Variants in ADPRHL1 observed in about 807,000 individuals in gnomAD.
ADPRHL1 encodes the protein ADP-ribosylhydrolase like 1, also known as inactive ADP-ribosyltransferase ARH2.
In ADPRHL1, 43 loss-of-function variants were observed where a neutral mutation model predicts 44.1. The ratio of observed to expected loss-of-function variants is 0.98; its 90% CI spans 0.76 to 1.26. ADPRHL1 has a LOEUF of 1.26. Ranked by LOEUF, ADPRHL1 falls within the 50% of genes most tolerant of loss-of-function variation. ADPRHL1 has a pLI of 0.00. For missense variants in ADPRHL1, 2,022 were observed against 2,496.9 expected (o/e 0.81, Z 4.05); for synonymous variants, 878 against 1,017.4 (o/e 0.86, Z 2.61).
In ADPRHL1 at chr13:113,453,339, G is replaced by C; in HGVS notation, c.99C>G (p.Ile33Met). ...CCCCGGAACGTTGCAGCTCCTCCTG[G>C]ATCTTCATGCCTACAGTGCTGTTCT... ...CKENSTVGMKIQEELQRSGGL... is the reference protein window; with the variant it reads ...CKENSTVGMKMQEELQRSGGL... Residue 33 changes from isoleucine (I) to methionine (M), a missense_variant, in exon 1 of 8, where the codon ATC (isoleucine) becomes ATG (methionine). This residue lies in a region of ADPRHL1 where 437 missense variants were observed against 430.7 expected (regional missense o/e 1.01). Coordinates refer to ENST00000612156, the MANE Select transcript of ADPRHL1 (RefSeq NM_001394807.1). The surrounding 1 kb of genome is among the most constrained non-coding windows in gnomAD (Gnocchi z 5.4). 6.2e-7 allele frequency: 1 copy of C among 1,614,166 alleles called. No homozygotes were observed. The highest frequency in any genetic ancestry group is 8.5e-7 in the Non-Finnish European group (1 of 1,180,036).
At chr13:113,415,022 A>T (rs2043880012) in intron 7 of ADPRHL1, among the ~76,000 whole-genome samples, 1 of 152,036 alleles carries the variant, frequency 6.6e-6, no homozygotes, top group South Asian at 2.1e-4. Flanking sequence ...TTTTCCCCTG[A>T]AGCCATGAAG....
In ADPRHL1 at chr13:113,407,037, C is replaced by T; in HGVS notation, c.2245G>A (p.Glu749Lys). 1 of 1,232,278 alleles carries T rather than the reference C, an allele frequency of 8.1e-7. No individual in the cohort carries two copies. Among genetic ancestry groups the T allele is most frequent in the Non-Finnish European group, 1.0e-6 (1 of 988,074 alleles). The allele number at this position is 1,232,278 out of a possible 1,614,324, so 76.3% of individuals were successfully genotyped here. The change falls in exon 8 of 8, where the codon GAG becomes AAG. Residue 749 changes from glutamate (E) to lysine (K), a missense_variant. Transcript: ENST00000612156. ...TCCTGGACGCCTCCTGCGGTGCTCT[C>T]TGCGGTGGGGTCTGCAGTCCCATCA... ...GGDGTADPTA[E>K]STAGGVQEVR...
intron 7 of ADPRHL1, among the ~76,000 whole-genome samples, chr13:113,413,475 G>T (rs2043870522): frequency 6.6e-6 from 1 of 152,344 alleles, no homozygotes; most frequent in East Asian, 1.9e-4. Flanking sequence ...TGGACTGAGA[G>T]GGGGGCCCAG....
At chr13:113,452,140 C>T (rs2044182785) in intron 1 of ADPRHL1, among the ~76,000 whole-genome samples, 1 of 152,200 alleles carries the variant, frequency 6.6e-6, no homozygotes, top group African/African-American at 2.4e-5. Context: ...GTGTGGGGTG[C>T]ACCTGTTCTG....
chr13:113,444,385 G>T (rs753033301), intron 2 of ADPRHL1, 40 bp downstream of exon 2: 1 of 1,603,682 alleles, frequency 6.2e-7, no homozygotes, highest in African/African-American at 1.3e-5. Flanking sequence ...AGGGTCCCCA[G>T]CAGGGTGGCT....
At chr13:113,444,197 C>A (rs1435263129) in intron 2 of ADPRHL1, among the ~76,000 whole-genome samples, 1 of 150,580 alleles carries the variant, frequency 6.6e-6, no homozygotes, top group Non-Finnish European at 1.5e-5. Flanking sequence ...AAACAGATGC[C>A]CGCGCTTGCC....
chr13:113,425,237 GCA>G, intron 4 of ADPRHL1, 58 bp from the exon 5 acceptor site: 1 of 1,432,470 alleles, frequency 7.0e-7, no homozygotes, highest in Admixed American at 2.1e-5. Flanking sequence ...TGGGGCGGGT[GCA>G]GGGAGTTGGG....
rs531368002 is a variant in ADPRHL1, at chr13:113,430,715, T to C, written c.506-1623A>G. 3.3e-5 allele frequency among the ~76,000 whole-genome samples: 5 copies of C among 150,430 alleles called. No homozygotes were observed. The East Asian group carries it at 7.8e-4, about 24-fold the overall frequency. On this transcript the variant is annotated intron_variant, in intron 3 of 7. Coordinates refer to ENST00000612156, the MANE Select transcript of ADPRHL1 (RefSeq NM_001394807.1). ...CAGTGATAAAAGGCGGGGGTGGCAC[T>C]AGTGGCGGGGGTGGCAGTGGCACCA... is the stretch of plus-strand genomic sequence containing the variant.
intron 4 of ADPRHL1, among the ~76,000 whole-genome samples, chr13:113,426,217 C>G (rs548159826): frequency 2.0e-5 from 3 of 152,208 alleles, no homozygotes; most frequent in Non-Finnish European, 4.4e-5. Flanking sequence ...CACAGGGAAT[C>G]GCCTTCCCCG....
At chr13:113,449,856 T>C (rs561024579) in intron 1 of ADPRHL1, among the ~76,000 whole-genome samples, 5 of 152,330 alleles carry the variant, frequency 3.3e-5, no homozygotes, top group Admixed American at 3.3e-4. Context: ...TCAGGGAGGA[T>C]GCTTACGAGC....
chr13:113,445,472 C>A (rs1173137559), intron 1 of ADPRHL1, among the ~76,000 whole-genome samples: 1 of 152,250 alleles, frequency 6.6e-6, no homozygotes, highest in African/African-American at 2.4e-5. Context: ...CCGGCGAGGG[C>A]GCCCCTCCCA....
At position 113,403,376 on chromosome 13, in the gene ADPRHL1, C is replaced by T; in HGVS notation, c.*2G>A. ...GGCGAGCCACGGTGTGTACTCGGGG[C>T]CTCACTTTGGGAGCTCAGACGTGTC... On this transcript the variant is annotated 3_prime_UTR_variant, in exon 8 of 8. Coordinates refer to ENST00000612156, the MANE Select transcript of ADPRHL1 (RefSeq NM_001394807.1). 8.1e-7 allele frequency: 1 copy of T among 1,232,066 alleles called. No homozygotes were observed. The highest frequency in any genetic ancestry group is 4.2e-5 in the Admixed American group (1 of 23,718). 76.3% of individuals were successfully genotyped at this position (1,232,066 alleles called of 1,614,324 possible). A position where few individuals can be genotyped will look rare whatever the true frequency, so the allele number is the denominator to read the frequency against.
intron 1 of ADPRHL1, 109 bp from the exon 2 acceptor site, chr13:113,444,698 C>T (rs1263510636): frequency 7.6e-7 from 1 of 1,310,528 alleles, no homozygotes; most frequent in East Asian, 2.3e-5. Flanking sequence ...AGGGCAGACA[C>T]TGCAAACTCT....
intron 7 of ADPRHL1, among the ~76,000 whole-genome samples, chr13:113,415,918 A>G (rs1002231405): frequency 1.8e-4 from 28 of 152,256 alleles, no homozygotes; most frequent in African/African-American, 6.0e-4. Context: ...AGAGATTACT[A>G]AAGAATCTAA....
At position 113,405,296 on chromosome 13, in the gene ADPRHL1, C is replaced by T. The variant is rs2043799372; in HGVS notation, c.3986G>A (p.Gly1329Asp). Reference protein sequence around the residue: ...PAEVDMGWVGGTHQRGPPHLQ... With the variant: ...PAEVDMGWVGDTHQRGPPHLQ... ...ATGGGGAGGGCCCCGCTGGTGGGTG[C>T]CACCTACCCACCCCATGTCCACCTC... is the stretch of plus-strand genomic sequence containing the variant. The change falls in exon 8 of 8, where the codon GGC becomes GAC. Residue 1329 changes from glycine (G) to aspartate (D), a missense_variant. Around this residue, in one of 8 missense-constraint regions of ADPRHL1, gnomAD observed 1,221 missense variants for 1,517.8 expected, o/e 0.80. Coordinates refer to ENST00000612156, the MANE Select transcript of ADPRHL1 (RefSeq NM_001394807.1). 1 of 1,231,866 alleles carries T rather than the reference C, an allele frequency of 8.1e-7. No homozygotes were observed. The highest frequency in any genetic ancestry group is 1.0e-6 in the Non-Finnish European group (1 of 988,074). The allele number at this position is 1,231,866 out of a possible 1,614,324, so 76.3% of individuals were successfully genotyped here.
chr13:113,412,466 C>T (rs1298690816), intron 7 of ADPRHL1, among the ~76,000 whole-genome samples: 1 of 152,264 alleles, frequency 6.6e-6, no homozygotes, highest in African/African-American at 2.4e-5. Context: ...GCGTGAGCCA[C>T]CGCGCCCAGC....
chr13:113,412,217 G>A (rs1297152553), intron 7 of ADPRHL1, among the ~76,000 whole-genome samples: 4 of 152,084 alleles, frequency 2.6e-5, no homozygotes, highest in African/African-American at 7.2e-5. Context: ...TTGCTCTGTC[G>A]CCCAGGCTGG....
At chr13:113,432,089 G>C (rs1832029645) in intron 3 of ADPRHL1, among the ~76,000 whole-genome samples, 1 of 151,706 alleles carries the variant, frequency 6.6e-6, no homozygotes, top group South Asian at 2.1e-4. Flanking sequence ...TATTAACACA[G>C]ATTCTTGTGC....
intron 1 of ADPRHL1, among the ~76,000 whole-genome samples, chr13:113,447,145 T>C (rs1349327318): frequency 7.0e-6 from 1 of 143,864 alleles, no homozygotes; most frequent in Non-Finnish European, 1.5e-5. Flanking sequence ...AAGTTGTATG[T>C]GCATGGCGTC....
Sources: gnomAD v4.1 joint callset for allele counts (sites outside exome capture counted in the v4.1 genomes callset) on GRCh38, gnomAD v4.1.1 for gene constraint, gnomAD v4.1.1 regional missense constraint, Gnocchi (gnomAD v3.1) non-coding constraint, MANE v1.5 for transcripts, NCBI Gene and HGNC (gene_info 2026-07-23, HGNC 2026-07-21) for gene names.